The following CCL7 variants were observed in gnomAD, a reference collection of about 807,000 sequenced individuals.
CCL7 encodes C-C motif chemokine ligand 7.
CCL7 carries 8 observed loss-of-function variants against 7.1 expected under a neutral mutation model. The ratio of observed to expected loss-of-function variants is 1.13; its 90% CI spans 0.66 to 2.04. The LOEUF (loss-of-function observed/expected upper bound fraction) is 2.04. Among genes scored for constraint, CCL7 ranks in the 30% most tolerant of loss-of-function variants. CCL7 has a pLI of 0.00. For synonymous variants in CCL7, 46 were observed against 41.2 expected, an observed-to-expected ratio of 1.12 and a Z score of -0.45; for missense variants, 134 against 113.6, an observed-to-expected ratio of 1.18 and a Z score of -0.82.
chr17:34,271,903 T>C lies in CCL7; in HGVS notation c.*101T>C. On this transcript the variant is annotated 3_prime_UTR_variant, in exon 3 of 3. Coordinates refer to ENST00000378569, the MANE Select transcript of CCL7 (RefSeq NM_006273.4). The stretch of plus-strand genomic sequence containing the variant: ...GGTTCTGAGATTATTTTAATCTAAT[T>C]CTAAGGAATATGAGCTTTATGTAAT... 1 of 702,050 alleles carries C rather than the reference T, an allele frequency of 1.4e-6. No individual in the cohort carries two copies. The highest frequency in any genetic ancestry group is 1.8e-5 in the South Asian group (1 of 57,066). The allele number at this position is 702,050 out of a possible 1,614,324, so 43.5% of individuals were successfully genotyped here.
chr17:34,270,848 C>A (rs1040411519), intron 1 of CCL7, among the ~76,000 whole-genome samples: 3 of 152,118 alleles, frequency 2.0e-5, no homozygotes, highest in Admixed American at 2.0e-4. Flanking sequence ...GTTGGGGTAC[C>A]CTTGCTCTAA....
At position 34,271,769 on chromosome 17, in the gene CCL7, C is replaced by T. The variant is rs987801269; in HGVS notation, c.267C>T (p.His89=). 6 of 1,613,040 alleles carry T rather than the reference C, an allele frequency of 3.7e-6. No individual in the cohort carries two copies. The highest frequency in any genetic ancestry group is 1.7e-4 in the Middle Eastern group (1 of 6,058). Residue 89 remains histidine, a synonymous_variant, in exon 3 of 3, where the codon CAC becomes CAT. Transcript: ENST00000378569. The part of the protein sequence containing the change: ...TQKWVQDFMK[H]LDKKTQTPKL ...AGTGGGTCCAGGACTTTATGAAGCA[C>T]CTGGACAAGAAAACCCAAACTCCAA... is the stretch of plus-strand genomic sequence containing the variant.
intron 2 of CCL7, 23 bp downstream of exon 2, chr17:34,271,286 C>A (rs200058122): frequency 2.5e-6 from 4 of 1,588,358 alleles, no homozygotes; most frequent in Non-Finnish European, 3.5e-6. Flanking sequence ...TGACCACCCA[C>A]CCCTCACACC....
Position 34,270,328 on chromosome 17 carries a change from C to T in CCL7, c.38C>T (p.Thr13Ile). ...ASAALLCLLLTAAAFSPQGLA... is the reference protein window; with the variant it reads ...ASAALLCLLLIAAAFSPQGLA... ...GCAGCACTTCTGTGTCTGCTGCTCA[C>T]AGCAGCTGCTTTCAGCCCCCAGGGG... The change falls in exon 1 of 3, where the codon ACA becomes ATA. Residue 13 changes from threonine to isoleucine, a missense_variant. By Grantham distance (89) the Thr-to-Ile change is moderately conservative. Coordinates refer to ENST00000378569, the MANE Select transcript of CCL7 (RefSeq NM_006273.4). 1 of 1,614,186 alleles carries T rather than the reference C, an allele frequency of 6.2e-7. No homozygotes were observed. The highest frequency in any genetic ancestry group is 8.5e-7 in the Non-Finnish European group (1 of 1,180,018).
rs200859461 is a variant in CCL7, at chr17:34,270,262, T to A, written c.-29T>A. The stretch of plus-strand genomic sequence containing the variant: ...CCAAACCAGAAACCTCCAATTCTCA[T>A]GTGGAAGCCCATGCCCTCACCCTCC... On this transcript the variant is annotated 5_prime_UTR_variant, in exon 1 of 3. It removes an upstream start codon present in the reference 5' UTR. Transcript: ENST00000378569. The A allele has an allele frequency of 1.2e-6, 2 of 1,610,698 alleles. No homozygotes were observed. Among genetic ancestry groups the A allele is most frequent in the Non-Finnish European group, 1.7e-6 (2 of 1,176,838 alleles).
In CCL7 at chr17:34,271,846, A is replaced by T. The variant is rs747038023; in HGVS notation, c.*44A>T. ...AAAACAAGCCATGACTTGAGAAACA[A>T]ATAATTTGTATACCCTGTCCTTTCT... On this transcript the variant is annotated 3_prime_UTR_variant, in exon 3 of 3. Coordinates refer to ENST00000378569, the MANE Select transcript of CCL7 (RefSeq NM_006273.4). 1.2e-5 allele frequency: 15 copies of T among 1,209,662 alleles called. No homozygotes were observed. The highest frequency in any genetic ancestry group is 1.8e-5 in the Non-Finnish European group (15 of 819,666). 74.9% of individuals were successfully genotyped at this position (1,209,662 alleles called of 1,614,324 possible).
chr17:34,272,060 G>A lies in CCL7; in HGVS notation c.*258G>A. 1 of 359,542 alleles carries A rather than the reference G, an allele frequency of 2.8e-6. No individual in the cohort carries two copies. Among genetic ancestry groups the A allele is most frequent in the South Asian group, 3.3e-5 (1 of 30,470 alleles). 22.3% of individuals were successfully genotyped at this position (359,542 alleles called of 1,614,324 possible). ...GTCATCTCAGTGCTGTAAAAACTGTGGGATGCTCCTCCCTTCTCTACCTCA... is the reference window on the plus strand; with the variant it reads ...GTCATCTCAGTGCTGTAAAAACTGTAGGATGCTCCTCCCTTCTCTACCTCA... On this transcript the variant is annotated 3_prime_UTR_variant, in exon 3 of 3. Transcript: ENST00000378569.
Position 34,271,231 on chromosome 17 carries a change from C to T in CCL7, c.162C>T (p.Thr54=). ...PKQRLESYRR[T]TSSHCPREAV... ...AGAGGCTGGAGAGCTACAGAAGGAC[C>T]ACCAGTAGCCACTGTCCCCGGGAAG... Residue 54 remains threonine, a synonymous_variant, in exon 2 of 3, where the codon ACC becomes ACT. Coordinates refer to ENST00000378569, the MANE Select transcript of CCL7 (RefSeq NM_006273.4). 2.5e-6 allele frequency: 4 copies of T among 1,614,052 alleles called. No individual in the cohort carries two copies. The highest frequency in any genetic ancestry group is 3.4e-6 in the Non-Finnish European group (4 of 1,179,988).
In CCL7 at chr17:34,270,274, T is replaced by C. The variant is rs1365522165; in HGVS notation, c.-17T>C. 4 of 1,613,716 alleles carry C rather than the reference T, an allele frequency of 2.5e-6. No individual in the cohort carries two copies. Among genetic ancestry groups the C allele is most frequent in the African/African-American group, 1.3e-5 (1 of 75,054 alleles). On this transcript the variant is annotated 5_prime_UTR_variant, in exon 1 of 3. An upstream start codon of the reference 5' UTR is lost. Transcript: ENST00000378569. ...CCTCCAATTCTCATGTGGAAGCCCATGCCCTCACCCTCCAACATGAAAGCC... is the reference window on the plus strand; with the variant it reads ...CCTCCAATTCTCATGTGGAAGCCCACGCCCTCACCCTCCAACATGAAAGCC...
chr17:34,271,218 G>A lies in CCL7; in HGVS notation c.149G>A (p.Ser50Asn), dbSNP rs1390278416. The A allele has an allele frequency of 1.9e-6, 3 of 1,614,148 alleles. No homozygotes were observed. Among genetic ancestry groups the A allele is most frequent in the Non-Finnish European group, 2.5e-6 (3 of 1,180,018 alleles). ...NKKIPKQRLE[S>N]YRRTTSSHCP... ...AAAATCCCTAAGCAGAGGCTGGAGA[G>A]CTACAGAAGGACCACCAGTAGCCAC... is the stretch of plus-strand genomic sequence containing the variant. Residue 50 changes from serine to asparagine, a missense_variant, in exon 2 of 3, where the codon AGC becomes AAC. Transcript: ENST00000378569.
Position 34,270,275 on chromosome 17 carries a change from GCCCTCA to G in CCL7, c.-10_-5del. On this transcript the variant is annotated 5_prime_UTR_variant, in exon 1 of 3. Transcript: ENST00000378569. Reference sequence around the variant, plus strand: ...CTCCAATTCTCATGTGGAAGCCCATGCCCTCACCCTCCAACATGAAAGCCTCTGCAG... The same window carrying G: ...CTCCAATTCTCATGTGGAAGCCCATGCCCTCCAACATGAAAGCCTCTGCAG... 6.2e-7 allele frequency: 1 copy of G among 1,613,896 alleles called. No individual in the cohort carries two copies. The highest frequency in any genetic ancestry group is 8.5e-7 in the Non-Finnish European group (1 of 1,179,774).
intron 1 of CCL7, 158 bp from the exon 2 acceptor site, chr17:34,270,988 T>A (rs1305329193): frequency 7.6e-6 from 11 of 1,451,088 alleles, no homozygotes; most frequent in Non-Finnish European, 1.0e-5. Flanking sequence ...GTTTATGAAA[T>A]GCCTCAAAGG....
Position 34,271,609 on chromosome 17 carries a change from G to A in CCL7, c.195-88G>A, listed in dbSNP as rs906768444. The stretch of plus-strand genomic sequence containing the variant: ...GGCATCCCCATCAGCTAGGCTGATG[G>A]GCTAGACAGATTTCCCATAGACTTG... On this transcript the variant is annotated intron_variant, in intron 2 of 2. Coordinates refer to ENST00000378569, the MANE Select transcript of CCL7 (RefSeq NM_006273.4). The A allele has an allele frequency of 6.0e-6, 5 of 833,516 alleles. No individual in the cohort carries two copies. The African/African-American group carries it at 8.6e-5, about 14-fold the overall frequency. The allele number at this position is 833,516 out of a possible 1,614,324, so 51.6% of individuals were successfully genotyped here. A position where few individuals can be genotyped will look rare whatever the true frequency, so the allele number is the denominator to read the frequency against.
At position 34,271,180 on chromosome 17, in the gene CCL7, A is replaced by G. The variant is rs1356152208; in HGVS notation, c.111A>G (p.Arg37=). The part of the protein sequence containing the change: ...GINTSTTCCY[R]FINKKIPKQR... Reference sequence around the variant, plus strand: ...ATACTTCAACTACCTGCTGCTACAGATTTATCAATAAGAAAATCCCTAAGC... The same window carrying G: ...ATACTTCAACTACCTGCTGCTACAGGTTTATCAATAAGAAAATCCCTAAGC... The change falls in exon 2 of 3, where the codon AGA becomes AGG. Residue 37 remains arginine (R), a synonymous_variant. Coordinates refer to ENST00000378569, the MANE Select transcript of CCL7 (RefSeq NM_006273.4). 5.6e-6 allele frequency: 9 copies of G among 1,614,122 alleles called. No individual in the cohort carries two copies. Among genetic ancestry groups the G allele is most frequent in the Non-Finnish European group, 6.8e-6 (8 of 1,180,020 alleles).
Position 34,271,922 on chromosome 17 carries a change from A to T in CCL7, c.*120A>T. 4.8e-6 allele frequency: 3 copies of T among 631,498 alleles called. No individual in the cohort carries two copies. The highest frequency in any genetic ancestry group is 8.4e-6 in the Non-Finnish European group (3 of 358,600). 39.1% of individuals were successfully genotyped at this position (631,498 alleles called of 1,614,324 possible). A position where few individuals can be genotyped will look rare whatever the true frequency, so the allele number is the denominator to read the frequency against. On this transcript the variant is annotated 3_prime_UTR_variant, in exon 3 of 3. Transcript: ENST00000378569. ...TCTAATTCTAAGGAATATGAGCTTTATGTAATAATGTGAATCATGGTTTTT... is the reference window on the plus strand; with the variant it reads ...TCTAATTCTAAGGAATATGAGCTTTTTGTAATAATGTGAATCATGGTTTTT...
At position 34,271,934 on chromosome 17, in the gene CCL7, GA is replaced by G. The variant is rs1908188793; in HGVS notation, c.*134del. On this transcript the variant is annotated 3_prime_UTR_variant, in exon 3 of 3. Coordinates refer to ENST00000378569, the MANE Select transcript of CCL7 (RefSeq NM_006273.4). The stretch of plus-strand genomic sequence containing the variant: ...GAATATGAGCTTTATGTAATAATGT[GA>G]ATCATGGTTTTTCTTAGTAGATTTT... 8.2e-6 allele frequency: 5 copies of G among 608,106 alleles called. No homozygotes were observed. Among genetic ancestry groups the G allele is most frequent in the Non-Finnish European group, 1.2e-5 (4 of 345,046 alleles). 37.7% of individuals were successfully genotyped at this position (608,106 alleles called of 1,614,324 possible).
intron 1 of CCL7, 34 bp downstream of exon 1, chr17:34,270,400 T>A: frequency 6.4e-7 from 1 of 1,563,072 alleles, no homozygotes; most frequent in Non-Finnish European, 8.8e-7. Flanking sequence ...TTGAAGCACA[T>A]TGCCCCCTCT....
chr17:34,271,371 T>A, intron 2 of CCL7, 108 bp downstream of exon 2: 1 of 852,918 alleles, frequency 1.2e-6, no homozygotes. Context: ...CTGTGATGCA[T>A]ACAGCATCTC....
At position 34,271,221 on chromosome 17, in the gene CCL7, A is replaced by G; in HGVS notation, c.152A>G (p.Tyr51Cys). 1.2e-6 allele frequency: 2 copies of G among 1,614,178 alleles called. No homozygotes were observed. The highest frequency in any genetic ancestry group is 2.2e-5 in the South Asian group (2 of 91,082). ...ATCCCTAAGCAGAGGCTGGAGAGCT[A>G]CAGAAGGACCACCAGTAGCCACTGT... ...KKIPKQRLESYRRTTSSHCPR... is the reference protein window; with the variant it reads ...KKIPKQRLESCRRTTSSHCPR... The change falls in exon 2 of 3, where the codon TAC (tyrosine) becomes TGC (cysteine). Residue 51 changes from tyrosine to cysteine, a missense_variant. Coordinates refer to ENST00000378569, the MANE Select transcript of CCL7 (RefSeq NM_006273.4).
Sources: gnomAD v4.1 joint callset for allele counts (sites outside exome capture counted in the v4.1 genomes callset) on GRCh38, gnomAD v4.1.1 for gene constraint, MANE v1.5 for transcripts, NCBI Gene and HGNC (gene_info 2026-07-23, HGNC 2026-07-21) for gene names.